The following MICU1 variants were observed in gnomAD, a reference collection of about 807,000 sequenced individuals.
MICU1 encodes mitochondrial calcium uptake 1.
Under a neutral mutation model 56.8 loss-of-function variants are expected in MICU1, and 45 were observed. That is an observed-to-expected ratio of 0.79 (90% confidence interval 0.62 to 1.02). The LOEUF (loss-of-function observed/expected upper bound fraction) is 1.02. Among genes scored for constraint, MICU1 ranks in the 50% least tolerant of loss-of-function variants. The probability of loss-of-function intolerance (pLI) is 0.00; values close to 1 mark genes in which losing one functional copy is unlikely to be tolerated. For synonymous variants in MICU1, 186 were observed against 195.1 expected (o/e 0.95, Z 0.39); for missense variants, 504 against 587.1 (o/e 0.86, Z 1.46).
chr10:72,446,334 G>T (rs936939069), intron 8 of MICU1, among the ~76,000 whole-genome samples: 2 of 149,916 alleles, frequency 1.3e-5, no homozygotes, highest in Non-Finnish European at 2.9e-5. Context: ...TTTTTGTTTC[G>T]TTTTTTTGAG....
intron 5 of MICU1, among the ~76,000 whole-genome samples, chr10:72,519,346 T>C (rs972907189): frequency 2.6e-5 from 4 of 152,224 alleles, no homozygotes; most frequent in Non-Finnish European, 4.4e-5. Context: ...AAATTACTGA[T>C]CTCAAGTAAA....
chr10:72,451,306 A>G (rs1865292302), intron 8 of MICU1, among the ~76,000 whole-genome samples: 1 of 152,092 alleles, frequency 6.6e-6, no homozygotes, highest in Admixed American at 6.6e-5. Context: ...TACAGGTGTG[A>G]GCCACCATGC....
At chr10:72,384,903 G>T (rs899672909) in intron 10 of MICU1, among the ~76,000 whole-genome samples, 3 of 152,070 alleles carry the variant, frequency 2.0e-5, no homozygotes. Flanking sequence ...AACTTTAAAA[G>T]AATTTATAAA....
In MICU1 at chr10:72,375,700, T is replaced by C; in HGVS notation, c.1270+83A>G. The C allele has an allele frequency of 5.5e-6, 7 of 1,273,144 alleles. No homozygotes were observed. The South Asian group carries it at 9.7e-5, about 18-fold the overall frequency. 78.9% of individuals were successfully genotyped at this position (1,273,144 alleles called of 1,614,324 possible). Reference sequence around the variant, plus strand: ...AGAGGATGGGCTGGTACACAGATGCTGTCCGCAAGGCTCCATTATACACAA... The same window carrying C: ...AGAGGATGGGCTGGTACACAGATGCCGTCCGCAAGGCTCCATTATACACAA... On this transcript the variant is annotated intron_variant, in intron 11 of 11. Coordinates refer to ENST00000361114, the MANE Select transcript of MICU1 (RefSeq NM_001195518.2).
chr10:72,528,221 A>G (rs1296676487), intron 5 of MICU1, among the ~76,000 whole-genome samples: 10 of 152,330 alleles, frequency 6.6e-5, no homozygotes, highest in Admixed American at 5.2e-4. Context: ...GCCCAAAGTA[A>G]CATGTGACTT....
chr10:72,405,951 CA>C (rs1368947932), intron 10 of MICU1, among the ~76,000 whole-genome samples: 12 of 152,076 alleles, frequency 7.9e-5, no homozygotes, highest in Admixed American at 4.6e-4. Flanking sequence ...TGTCCACTCT[CA>C]CCACTTCTAT....
intron 6 of MICU1, chr10:72,483,161 T>A (rs1290667164): frequency 6.6e-6 from 1 of 152,028 alleles, no homozygotes; most frequent in Non-Finnish European, 1.5e-5. Flanking sequence ...TGGCCCCTTT[T>A]CTCTAATTCT....
At chr10:72,619,264 G>A (rs576532469) in intron 1 of MICU1, among the ~76,000 whole-genome samples, 29 of 152,012 alleles carry the variant, frequency 1.9e-4, no homozygotes, top group Admixed American at 1.8e-3. Flanking sequence ...CTAACACGGT[G>A]AAACCCTGTC....
intron 8 of MICU1, among the ~76,000 whole-genome samples, chr10:72,450,586 C>T (rs1865264301): frequency 6.6e-6 from 1 of 152,174 alleles, no homozygotes; most frequent in African/African-American, 2.4e-5. Context: ...GCATGGCTTT[C>T]TCACTGCTAA....
chr10:72,406,686 G>C (rs1203925673), intron 10 of MICU1, among the ~76,000 whole-genome samples: 1 of 150,312 alleles, frequency 6.7e-6, no homozygotes, highest in Non-Finnish European at 1.5e-5. Flanking sequence ...AAGCAATCCT[G>C]CACAATCTTG....
chr10:72,561,790 A>C (rs1019737670), intron 3 of MICU1, among the ~76,000 whole-genome samples: 2 of 152,206 alleles, frequency 1.3e-5, no homozygotes, highest in African/African-American at 4.8e-5. Flanking sequence ...TAGCCTGGGC[A>C]ACAGAGGGAG....
Position 72,407,936 on chromosome 10 carries a change from A to G in MICU1, c.1173T>C (p.Leu391=), listed in dbSNP as rs1287137829. ...LSFYHMAGAS[L]DKVTMQQVAR... is the part of the protein sequence containing the mutation. Reference sequence around the variant, plus strand: ...CTTTTTGAGTTTCATTACCTTTATCAAGAGATGCTCCAGCCATATGGTAAA... The same window carrying G: ...CTTTTTGAGTTTCATTACCTTTATCGAGAGATGCTCCAGCCATATGGTAAA... The change falls in exon 10 of 12, where the codon CTT becomes CTC. Residue 391 remains leucine, a synonymous_variant. Transcript: ENST00000361114. The G allele has an allele frequency of 1.2e-6, 2 of 1,610,356 alleles. No individual in the cohort carries two copies. Among genetic ancestry groups the G allele is most frequent in the Non-Finnish European group, 1.7e-6 (2 of 1,177,356 alleles).
At chr10:72,461,408 T>C (rs965029583) in intron 8 of MICU1, among the ~76,000 whole-genome samples, 1 of 152,242 alleles carries the variant, frequency 6.6e-6, no homozygotes, top group Non-Finnish European at 1.5e-5. Context: ...TAATGCCACC[T>C]CTGAGAAAAC....
At chr10:72,380,383 C>T (rs183193912) in intron 10 of MICU1, among the ~76,000 whole-genome samples, 1 of 152,286 alleles carries the variant, frequency 6.6e-6, no homozygotes, top group African/African-American at 2.4e-5. Context: ...TAGAAGTGGG[C>T]TCAACTAGTA....
chr10:72,589,280 C>T (rs898444570), intron 1 of MICU1, among the ~76,000 whole-genome samples: 2 of 150,368 alleles, frequency 1.3e-5, no homozygotes, highest in Non-Finnish European at 2.9e-5. Flanking sequence ...CTGACTGAAA[C>T]TCCGTCTCAG....
Position 72,412,927 on chromosome 10 carries a change from TG to T in MICU1, c.1072-4891del, listed in dbSNP as rs748815584. ...AGGAGAGGCTGAGCACAGTGCACAG[TG>T]GCTCATGCCTGTAATCCCAGCACTT... is the stretch of plus-strand genomic sequence containing the variant. On this transcript the variant is annotated intron_variant, in intron 9 of 11. Transcript: ENST00000361114. 5.3e-5 allele frequency among the ~76,000 whole-genome samples: 8 copies of T among 150,138 alleles called. No homozygotes were observed. The East Asian group carries it at 1.6e-3, about 29-fold the overall frequency.
At chr10:72,517,303 C>CA (rs1161663040) in intron 5 of MICU1, among the ~76,000 whole-genome samples, 2 of 152,062 alleles carry the variant, frequency 1.3e-5, no homozygotes, top group Non-Finnish European at 2.9e-5. Flanking sequence ...AGTCATTATA[C>CA]AAAAAAGATA....
At chr10:72,569,223 A>AT (rs1564939690) in intron 1 of MICU1, among the ~76,000 whole-genome samples, 12 of 39,244 alleles carry the variant, frequency 3.1e-4, no homozygotes, top group African/African-American at 1.3e-3. Context: ...ATATATATAT[A>AT]TATATATATA....
At chr10:72,390,977 CA>C (rs1262538102) in intron 10 of MICU1, among the ~76,000 whole-genome samples, 1 of 152,218 alleles carries the variant, frequency 6.6e-6, no homozygotes, top group Non-Finnish European at 1.5e-5. Flanking sequence ...TTATCAACTT[CA>C]TAATAGAAGC....
Sources: allele counts gnomAD v4.1 joint callset (sites outside exome capture counted in the v4.1 genomes callset), GRCh38; gene constraint gnomAD v4.1.1; transcripts MANE v1.5; gene names NCBI Gene and HGNC (gene_info 2026-07-23, HGNC 2026-07-21).